LIX1: variants seen among roughly 807,000 people sequenced by gnomAD.
The protein encoded by LIX1 is protein limb expression 1 homolog.
In LIX1, 24 loss-of-function variants were observed where a neutral mutation model predicts 33.4. The ratio of observed to expected loss-of-function variants is 0.72; its 90% CI spans 0.52 to 1.01. The LOEUF (loss-of-function observed/expected upper bound fraction) is 1.01, where lower values mean the gene tolerates loss of function less well. Among genes scored for constraint, LIX1 ranks in the 50% least tolerant of loss-of-function variants. The probability of loss-of-function intolerance (pLI) is 0.00; values close to 1 mark genes in which losing one functional copy is unlikely to be tolerated. For missense variants in LIX1, 311 were observed against 339.2 expected (o/e 0.92, Z 0.65); for synonymous variants, 124 against 124.0 (o/e 1.00, Z 0.00).
At chr5:97,106,181 T>C (rs1580215048) in intron 3 of LIX1, among the ~76,000 whole-genome samples, 1 of 151,938 alleles carries the variant, frequency 6.6e-6, no homozygotes, top group East Asian at 1.9e-4. Flanking sequence ...CTGAGGGCCC[T>C]TCCCTGCTCC....
chr5:97,124,930 A>G (rs552687132), intron 1 of LIX1, among the ~76,000 whole-genome samples: 39 of 152,276 alleles, frequency 2.6e-4, no homozygotes, highest in Non-Finnish European at 4.9e-4. Flanking sequence ...ATATAGCAGT[A>G]TTTCAAATTT....
chr5:97,124,185 A>G (rs1335010272), intron 2 of LIX1, among the ~76,000 whole-genome samples: 1 of 152,204 alleles, frequency 6.6e-6, no homozygotes, highest in Non-Finnish European at 1.5e-5. Context: ...TAGTTGACAA[A>G]CTAAGAAACT....
At chr5:97,121,037 C>G (rs1459363499) in intron 2 of LIX1, among the ~76,000 whole-genome samples, 1 of 152,074 alleles carries the variant, frequency 6.6e-6, no homozygotes, top group Non-Finnish European at 1.5e-5. Flanking sequence ...AAAGATCTGT[C>G]TTTCTTATTT....
At chr5:97,127,865 T>G (rs917162544) in intron 1 of LIX1, among the ~76,000 whole-genome samples, 47 of 152,240 alleles carry the variant, frequency 3.1e-4, no homozygotes, top group African/African-American at 1.1e-3. Context: ...GGGACCCATC[T>G]GCACAAATGC....
At chr5:97,102,873 A>G (rs1251708599) in intron 4 of LIX1, among the ~76,000 whole-genome samples, 1 of 152,200 alleles carries the variant, frequency 6.6e-6, no homozygotes. Flanking sequence ...TTCATTCCAT[A>G]ATAAAAGAAC....
At chr5:97,100,289 C>A (rs1482082370) in intron 4 of LIX1, among the ~76,000 whole-genome samples, 2 of 152,208 alleles carry the variant, frequency 1.3e-5, no homozygotes, top group Non-Finnish European at 2.9e-5. Flanking sequence ...GGATGAAGGT[C>A]AACCTCCTCA....
rs532134138 is a variant in LIX1, at chr5:97,094,803, G to T, written c.794C>A (p.Thr265Asn). Reference protein sequence around the residue: ...ALTQICSDPDTSSPSDDQLSL... With the variant: ...ALTQICSDPDNSSPSDDQLSL... ...CAGCTGATCATCACTGGGTGAGGAA[G>T]TGTCAGGGTCACTGCAGATCTGAGT... is the stretch of plus-strand genomic sequence containing the variant. Residue 265 changes from threonine to asparagine, a missense_variant, in exon 6 of 6, where the codon ACT (threonine) becomes AAT (asparagine). Physicochemically the swap from Thr to Asn is moderately conservative, Grantham distance 65. Transcript: ENST00000274382. 300 of 1,614,218 alleles carry T rather than the reference G, an allele frequency of 1.9e-4. 5 individuals are homozygous for T. In the South Asian group the frequency reaches 3.2e-3, roughly 17 times the overall value.
chr5:97,115,672 T>C (rs1172088406), intron 2 of LIX1, among the ~76,000 whole-genome samples: 1 of 151,816 alleles, frequency 6.6e-6, no homozygotes, highest in Non-Finnish European at 1.5e-5. Flanking sequence ...ATCTAAAATG[T>C]ATAAAACACA....
chr5:97,096,658 C>T (rs1185184982), intron 5 of LIX1, 152 bp downstream of exon 5: 7 of 617,252 alleles, frequency 1.1e-5, no homozygotes, highest in Non-Finnish European at 2.0e-5. Context: ...TGGGGCTGTT[C>T]TATATATTTC....
At chr5:97,104,144 G>C (rs1341034173) in intron 4 of LIX1, among the ~76,000 whole-genome samples, 1 of 152,136 alleles carries the variant, frequency 6.6e-6, no homozygotes, top group Non-Finnish European at 1.5e-5. Flanking sequence ...AGTTTGAAAG[G>C]TACCAAAGAA....
At chr5:97,116,279 T>G (rs1245184097) in intron 2 of LIX1, among the ~76,000 whole-genome samples, 1 of 152,210 alleles carries the variant, frequency 6.6e-6, no homozygotes, top group Non-Finnish European at 1.5e-5. Flanking sequence ...TATATTAACA[T>G]TTTTTCTCCT....
intron 2 of LIX1, among the ~76,000 whole-genome samples, chr5:97,119,126 A>C (rs1476169554): frequency 6.6e-6 from 1 of 152,240 alleles, no homozygotes. Context: ...GATTAGTCCC[A>C]CAATCCAGTC....
In LIX1 at chr5:97,094,272, T is replaced by C. The variant is rs1746224883; in HGVS notation, c.*476A>G. The C allele has an allele frequency of 6.3e-6, 1 of 157,714 alleles. No homozygotes were observed. The highest frequency in any genetic ancestry group is 6.0e-5 in the Admixed American group (1 of 16,542). The allele number at this position is 157,714 out of a possible 1,614,324, so 9.8% of individuals were successfully genotyped here. Reference sequence around the variant, plus strand: ...AAACTATTGCTTAGCTTACAAAGCTTAGAAAGAGACTCTGATCCTTGGATA... The same window carrying C: ...AAACTATTGCTTAGCTTACAAAGCTCAGAAAGAGACTCTGATCCTTGGATA... On this transcript the variant is annotated 3_prime_UTR_variant, in exon 6 of 6. Coordinates refer to ENST00000274382, the MANE Select transcript of LIX1 (RefSeq NM_153234.5).
At position 97,091,932 on chromosome 5, in the gene LIX1, GAC is replaced by G. The variant is rs1195558315; in HGVS notation, c.*2814_*2815del. On this transcript the variant is annotated 3_prime_UTR_variant, in exon 6 of 6. Coordinates refer to ENST00000274382, the MANE Select transcript of LIX1 (RefSeq NM_153234.5). ...TCTGACCCATTTATCCAAGTTTAGT[GAC>G]AGTTTGCTCTAAACTGCTTTTTTAA... is the stretch of plus-strand genomic sequence containing the variant. 1 of 152,302 alleles carries G rather than the reference GAC, an allele frequency of 6.6e-6. No homozygotes were observed. The highest frequency in any genetic ancestry group is 6.5e-5 in the Admixed American group (1 of 15,286). The allele number at this position is 152,302 out of a possible 1,614,324, so 9.4% of individuals were successfully genotyped here. A position where few individuals can be genotyped will look rare whatever the true frequency, so the allele number is the denominator to read the frequency against.
chr5:97,115,280 G>T (rs1045816879), intron 2 of LIX1, among the ~76,000 whole-genome samples: 2 of 152,114 alleles, frequency 1.3e-5, no homozygotes, highest in African/African-American at 4.8e-5. Context: ...GTTATAAATA[G>T]AAATTCCTAA....
At chr5:97,104,577 G>A (rs774248573) in intron 4 of LIX1, among the ~76,000 whole-genome samples, 8 of 152,128 alleles carry the variant, frequency 5.3e-5, no homozygotes, top group Non-Finnish European at 8.8e-5. Flanking sequence ...TGCTAAGCAC[G>A]GGCCAAAGTA....
chr5:97,131,331 C>T (rs1347871378), intron 1 of LIX1, among the ~76,000 whole-genome samples: 1 of 152,156 alleles, frequency 6.6e-6, no homozygotes, highest in Non-Finnish European at 1.5e-5. Flanking sequence ...CCAGCTTACT[C>T]CCACACTTCA....
At chr5:97,125,888 G>A (rs1470726036) in intron 1 of LIX1, among the ~76,000 whole-genome samples, 1 of 152,196 alleles carries the variant, frequency 6.6e-6, no homozygotes, top group Non-Finnish European at 1.5e-5. Context: ...GGAGCCGTAG[G>A]AGGTAAGCAT....
intron 2 of LIX1, among the ~76,000 whole-genome samples, chr5:97,108,299 C>G (rs1747178173): frequency 6.6e-6 from 1 of 152,206 alleles, no homozygotes; most frequent in South Asian, 2.1e-4. Context: ...GGACATACTG[C>G]ATTCAAACCT....
Sources: gnomAD v4.1 joint callset for allele counts (sites outside exome capture counted in the v4.1 genomes callset) on GRCh38, gnomAD v4.1.1 for gene constraint, MANE v1.5 for transcripts, NCBI Gene and HGNC (gene_info 2026-07-23, HGNC 2026-07-21) for gene names.